ZNF326: variants seen among roughly 807,000 people sequenced by gnomAD.
ZNF326 encodes zinc finger protein 326.
A neutral mutation model predicts 63.1 loss-of-function variants in ZNF326; 30 were observed. That is an observed-to-expected ratio of 0.48 (90% CI 0.36 to 0.64). The LOEUF is 0.64. Among genes scored for constraint, ZNF326 ranks in the 30% least tolerant of loss-of-function variants. The probability of loss-of-function intolerance (pLI) is 0.00; values close to 1 mark genes in which losing one functional copy is unlikely to be tolerated. For missense variants in ZNF326, 609 were observed against 720.3 expected (o/e 0.85, Z 1.77); for synonymous variants, 194 against 228.2 (o/e 0.85, Z 1.35).
In ZNF326 at chr1:90,023,525, A is replaced by G. The variant is rs191796835; in HGVS notation, c.1401+1180A>G. The stretch of plus-strand genomic sequence containing the variant: ...ATTTGTTAATCTAATATTCGTTAAT[A>G]TTTGTCGCCATTTACTACATTCTTG... On this transcript the variant is annotated intron_variant, in intron 11 of 11. Coordinates refer to ENST00000340281, the MANE Select transcript of ZNF326 (RefSeq NM_182976.4). 2.2e-4 allele frequency among the ~76,000 whole-genome samples: 33 copies of G among 152,190 alleles called. No individual in the cohort carries two copies. The East Asian group carries it at 6.4e-3, about 29-fold the overall frequency.
rs769646119 is a variant in ZNF326, at chr1:90,017,353, A to G, written c.963A>G (p.Thr321=). The G allele has an allele frequency of 2.1e-5, 33 of 1,604,130 alleles. No individual in the cohort carries two copies. The highest frequency in any genetic ancestry group is 1.1e-5 in the Non-Finnish European group (13 of 1,177,150). ...AFTCSFCKFR[T]FEEKDIELHL... ...CATGTTCATTTTGTAAATTTCGAAC[A>G]TTTGAAGAAAAAGATATTGAACTGC... Residue 321 remains threonine (T), a synonymous_variant, in exon 8 of 12, where the codon ACA becomes ACG. Coordinates refer to ENST00000340281, the MANE Select transcript of ZNF326 (RefSeq NM_182976.4).
chr1:90,006,799 A>G (rs990572038), intron 4 of ZNF326, among the ~76,000 whole-genome samples: 12 of 152,176 alleles, frequency 7.9e-5, no homozygotes, highest in Non-Finnish European at 1.6e-4. Context: ...ATAACCAGAG[A>G]TAATTCCCCA....
Position 90,007,627 on chromosome 1 carries a change from T to G in ZNF326, c.492T>G (p.His164Gln). The G allele has an allele frequency of 6.3e-7, 1 of 1,589,648 alleles. No homozygotes were observed. Among genetic ancestry groups the G allele is most frequent in the Non-Finnish European group, 8.6e-7 (1 of 1,167,332 alleles). ...CCTACAGCAGTTTTTCTTCACCCCA[T>G]ATGAAGCCTGCACCTGTAGGCTCTC... ...YSSYSSFSSPHMKPAPVGSRG... is the reference protein window; with the variant it reads ...YSSYSSFSSPQMKPAPVGSRG... Residue 164 changes from histidine to glutamine, a missense_variant, in exon 5 of 12, where the codon CAT (histidine) becomes CAG (glutamine). Around this residue, in one of 3 missense-constraint regions of ZNF326, gnomAD observed 113 missense variants for 187.4 expected, o/e 0.60. Coordinates refer to ENST00000340281, the MANE Select transcript of ZNF326 (RefSeq NM_182976.4). This position sits in a 1 kb window ranked among gnomAD's most constrained non-coding sequence, Gnocchi z 4.9.
In ZNF326 at chr1:90,029,014, G is replaced by C. The variant is rs944325831; in HGVS notation, c.*1313G>C. ...AGACAGGGTTTTACCATGTTGTCCA[G>C]GCTGGTTTTGAACTCCTGGGCTCAA... is the stretch of plus-strand genomic sequence containing the variant. On this transcript the variant is annotated 3_prime_UTR_variant, in exon 12 of 12. Transcript: ENST00000340281. 1 of 152,088 alleles carries C rather than the reference G, an allele frequency of 6.6e-6. No homozygotes were observed. The highest frequency in any genetic ancestry group is 1.5e-5 in the Non-Finnish European group (1 of 68,086). The allele number at this position is 152,088 out of a possible 1,614,324, so 9.4% of individuals were successfully genotyped here.
chr1:90,010,653 A>T (rs1374326035), intron 6 of ZNF326, among the ~76,000 whole-genome samples: 1 of 151,918 alleles, frequency 6.6e-6, no homozygotes, highest in Non-Finnish European at 1.5e-5. Context: ...CTGTTCTTAA[A>T]CCTCCATATG....
intron 11 of ZNF326, among the ~76,000 whole-genome samples, chr1:90,025,581 CAG>C (rs1649980277): frequency 6.6e-6 from 1 of 152,282 alleles, no homozygotes; most frequent in East Asian, 1.9e-4. Context: ...ATGAAAATCT[CAG>C]GGTGCTGGAA....
chr1:90,012,268 A>G (rs1477811139), intron 6 of ZNF326, among the ~76,000 whole-genome samples: 2 of 152,234 alleles, frequency 1.3e-5, no homozygotes, highest in East Asian at 1.9e-4. Flanking sequence ...ATATTATTAA[A>G]CCATAAAAAA....
chr1:90,007,177 C>T lies in ZNF326; in HGVS notation c.210-168C>T, dbSNP rs368719587. On this transcript the variant is annotated intron_variant, in intron 4 of 11. Transcript: ENST00000340281. The surrounding 1 kb of genome is among the most constrained non-coding windows in gnomAD (Gnocchi z 4.9). The stretch of plus-strand genomic sequence containing the variant: ...TCAGATAGCTTTCTATCTGGTCTCA[C>T]GTTGAACTGCCCAGCCCTAATCAAA... Among the ~76,000 whole-genome samples the T allele has an allele frequency of 1.2e-3, 181 of 152,278 alleles. No individual in the cohort carries two copies. Among genetic ancestry groups the T allele is most frequent in the Non-Finnish European group, 2.1e-3 (143 of 68,020 alleles).
Position 90,007,841 on chromosome 1 carries a change from T to C in ZNF326, c.615+91T>C. The C allele has an allele frequency of 8.2e-7, 1 of 1,219,700 alleles. No individual in the cohort carries two copies. The allele number at this position is 1,219,700 out of a possible 1,614,324, so 75.6% of individuals were successfully genotyped here. A position where few individuals can be genotyped will look rare whatever the true frequency, so the allele number is the denominator to read the frequency against. On this transcript the variant is annotated intron_variant, in intron 5 of 11. Coordinates refer to ENST00000340281, the MANE Select transcript of ZNF326 (RefSeq NM_182976.4). This position sits in a 1 kb window ranked among gnomAD's most constrained non-coding sequence, Gnocchi z 4.9. ...TCGTTTTCAACTAGAATAAACACTG[T>C]TCATCCCGGTGTATTTTGAAGCAAA...
At position 90,013,130 on chromosome 1, in the gene ZNF326, A is replaced by G; in HGVS notation, c.819A>G (p.Lys273=). The G allele has an allele frequency of 6.2e-7, 1 of 1,610,214 alleles. No homozygotes were observed. Among genetic ancestry groups the G allele is most frequent in the Non-Finnish European group, 8.5e-7 (1 of 1,178,808 alleles). Reference sequence around the variant, plus strand: ...CTTTTTTGTGTAATATCCTAGCAAAAACTGATCCTAAAAATGAAGAGGAAG... The same window carrying G: ...CTTTTTTGTGTAATATCCTAGCAAAGACTGATCCTAAAAATGAAGAGGAAG... ...EKISLSKSPT[K]TDPKNEEEEK... The change falls in exon 7 of 12, where the codon AAA becomes AAG. Residue 273 remains lysine (K), a synonymous_variant. Coordinates refer to ENST00000340281, the MANE Select transcript of ZNF326 (RefSeq NM_182976.4).
chr1:90,003,720 C>T (rs1277744799), intron 2 of ZNF326, among the ~76,000 whole-genome samples: 1 of 152,142 alleles, frequency 6.6e-6, no homozygotes, highest in African/African-American at 2.4e-5. Flanking sequence ...TGAGACTAGA[C>T]AAGAGGATAT....
intron 9 of ZNF326, among the ~76,000 whole-genome samples, chr1:90,019,433 G>C (rs1649658087): frequency 6.6e-6 from 1 of 152,050 alleles, no homozygotes; most frequent in South Asian, 2.1e-4. Flanking sequence ...AACTTCTCTA[G>C]GTTCTTTGGA....
chr1:90,000,319 A>G (rs765419452), intron 2 of ZNF326, among the ~76,000 whole-genome samples: 2 of 152,210 alleles, frequency 1.3e-5, no homozygotes, highest in African/African-American at 2.4e-5. Context: ...TTTTCCCCAC[A>G]CTATTTCTTG....
rs921983276 is a variant in ZNF326, at chr1:90,018,805, A to C, written c.1174+21A>C. 5 of 1,384,554 alleles carry C rather than the reference A, an allele frequency of 3.6e-6. No homozygotes were observed. The African/African-American group carries it at 7.3e-5, about 20-fold the overall frequency. The allele number at this position is 1,384,554 out of a possible 1,614,324, so 85.8% of individuals were successfully genotyped here. ...GGAAGGTAAGTATTTAAAACAAATT[A>C]TTTTAAAATTCTACATGTATTTTTA... On this transcript the variant is annotated intron_variant, in intron 9 of 11. Transcript: ENST00000340281.
intron 7 of ZNF326, among the ~76,000 whole-genome samples, chr1:90,016,099 A>G (rs1557524939): frequency 6.6e-6 from 1 of 152,052 alleles, no homozygotes; most frequent in Non-Finnish European, 1.5e-5. Flanking sequence ...AAGTAGCAAT[A>G]ATTAATTGAA....
chr1:90,017,264 C>A, intron 7 of ZNF326, 53 bp from the exon 8 acceptor site: 1 of 1,288,948 alleles, frequency 7.8e-7, no homozygotes, highest in Non-Finnish European at 1.1e-6. Context: ...CTTATGAACT[C>A]TTTATAGTTG....
chr1:90,001,072 T>G (rs1648651675), intron 2 of ZNF326, among the ~76,000 whole-genome samples: 2 of 152,174 alleles, frequency 1.3e-5, no homozygotes, highest in Admixed American at 6.5e-5. Context: ...TGGGTAATTT[T>G]TTGTTGTAGG....
chr1:90,006,819 T>A (rs1649014189), intron 4 of ZNF326, among the ~76,000 whole-genome samples: 1 of 152,176 alleles, frequency 6.6e-6, no homozygotes, highest in African/African-American at 2.4e-5. Context: ...AAATTTTGAC[T>A]CCTACAGACA....
In ZNF326 at chr1:89,995,223, A is replaced by T. The variant is rs1448049330; in HGVS notation, c.-35A>T. On this transcript the variant is annotated 5_prime_UTR_variant, in exon 1 of 12. Coordinates refer to ENST00000340281, the MANE Select transcript of ZNF326 (RefSeq NM_182976.4). ...CTCGCCGCCGGCCATAGCTCAGCCT[A>T]GCGCCGCCAAGGCCGACGGCCCTCA... 1 of 1,540,384 alleles carries T rather than the reference A, an allele frequency of 6.5e-7. No individual in the cohort carries two copies. Among genetic ancestry groups the T allele is most frequent in the Non-Finnish European group, 8.7e-7 (1 of 1,146,080 alleles).
Sources: allele counts gnomAD v4.1 joint callset (sites outside exome capture counted in the v4.1 genomes callset), GRCh38; gene constraint gnomAD v4.1.1; regional missense constraint gnomAD v4.1.1; non-coding constraint Gnocchi (gnomAD v3.1); transcripts MANE v1.5; gene names NCBI Gene and HGNC (gene_info 2026-07-23, HGNC 2026-07-21).